CCDC18: variants seen among roughly 807,000 people sequenced by gnomAD.
The protein encoded by CCDC18 is coiled-coil domain containing 18.
Under a neutral mutation model 196.0 loss-of-function variants are expected in CCDC18, and 157 were observed. That is an observed-to-expected ratio of 0.80 (90% CI 0.70 to 0.91). The LOEUF (loss-of-function observed/expected upper bound fraction) is 0.91, where lower values mean the gene tolerates loss of function less well. Among genes scored for constraint, CCDC18 ranks in the 40% least tolerant of loss-of-function variants. CCDC18 has a pLI of 0.00. For missense variants in CCDC18, 1,465 were observed against 1,611.6 expected (o/e 0.91, Z 1.56); for synonymous variants, 482 against 529.2 (o/e 0.91, Z 1.22).
Position 93,221,951 on chromosome 1 carries a change from A to G in CCDC18, c.2175+15A>G, listed in dbSNP as rs1657495032. 6.7e-7 allele frequency: 1 copy of G among 1,497,558 alleles called. No individual in the cohort carries two copies. The highest frequency in any genetic ancestry group is 9.1e-7 in the Non-Finnish European group (1 of 1,103,892). The allele number at this position is 1,497,558 out of a possible 1,614,324, so 92.8% of individuals were successfully genotyped here. Reference sequence around the variant, plus strand: ...AAACAATCAAGGCTAGTATGCTAATACTTTATTTTTCTTTCTTTCCTTTTT... The same window carrying G: ...AAACAATCAAGGCTAGTATGCTAATGCTTTATTTTTCTTTCTTTCCTTTTT... On this transcript the variant is annotated intron_variant, in intron 16 of 28. Coordinates refer to ENST00000690025, the MANE Select transcript of CCDC18 (RefSeq NM_001378204.1).
chr1:93,186,590 T>A, intron 4 of CCDC18, 87 bp downstream of exon 4: 1 of 1,044,804 alleles, frequency 9.6e-7, no homozygotes, highest in South Asian at 1.6e-5. Flanking sequence ...TATTGCCACA[T>A]TGCCTTAATG....
chr1:93,193,613 T>G lies in CCDC18; in HGVS notation c.570-3T>G. 2 of 1,570,824 alleles carry G rather than the reference T, an allele frequency of 1.3e-6. No homozygotes were observed. The highest frequency in any genetic ancestry group is 1.7e-6 in the Non-Finnish European group (2 of 1,161,044). On this transcript the variant is annotated splice_region_variant and splice_polypyrimidine_tract_variant and intron_variant, in intron 5 of 28. Transcript: ENST00000690025. ...CTTAAACAAAGTATCCTTTATTTTATAGAGAGGCAGAAAATAAGCTGGAAC... is the reference window on the plus strand; with the variant it reads ...CTTAAACAAAGTATCCTTTATTTTAGAGAGAGGCAGAAAATAAGCTGGAAC...
rs1191976714 is a variant in CCDC18 at position 93,209,217 on chromosome 1, C to T, written c.1210-1585C>T. ...AGGTGATCTGCCTGCCTTAGCCTCC[C>T]GAAATGCTGGGATTACAGGCATGAG... is the stretch of plus-strand genomic sequence containing the variant. On this transcript the variant is annotated intron_variant, in intron 9 of 28. Transcript: ENST00000690025. Among the ~76,000 whole-genome samples, 9 of 152,276 alleles carry T rather than the reference C, an allele frequency of 5.9e-5. 1 individual carries two copies. The highest frequency in any genetic ancestry group is 5.2e-4 in the Admixed American group (8 of 15,298).
intron 4 of CCDC18, among the ~76,000 whole-genome samples, chr1:93,188,436 T>C (rs1427941820): frequency 6.6e-6 from 1 of 152,216 alleles, no homozygotes; most frequent in Non-Finnish European, 1.5e-5. Context: ...TTTCCTAGTT[T>C]ATTCTTTCTG....
chr1:93,243,657 A>G (rs182536550), intron 21 of CCDC18, among the ~76,000 whole-genome samples: 1 of 152,220 alleles, frequency 6.6e-6, no homozygotes, highest in East Asian at 1.9e-4. Flanking sequence ...TTGCTTAGAA[A>G]TTTCTTCCAC....
chr1:93,257,088 C>T (rs1385172665), intron 25 of CCDC18, among the ~76,000 whole-genome samples: 1 of 151,648 alleles, frequency 6.6e-6, no homozygotes, highest in African/African-American at 2.4e-5. Flanking sequence ...CAAAATTAGC[C>T]AGGCATGATG....
At chr1:93,274,820 A>G (rs527726702) in intron 28 of CCDC18, among the ~76,000 whole-genome samples, 2 of 152,350 alleles carry the variant, frequency 1.3e-5, no homozygotes, top group Non-Finnish European at 1.5e-5. Flanking sequence ...GCAAGAACCC[A>G]TCTCTAAACA....
chr1:93,213,190 T>G (rs1040332710), intron 11 of CCDC18, among the ~76,000 whole-genome samples: 1 of 151,992 alleles, frequency 6.6e-6, no homozygotes, highest in African/African-American at 2.4e-5. Context: ...TGTGGCCCAG[T>G]TCCTAATGGG....
At chr1:93,209,692 G>C (rs1655293185) in intron 9 of CCDC18, among the ~76,000 whole-genome samples, 1 of 152,152 alleles carries the variant, frequency 6.6e-6, no homozygotes, top group Non-Finnish European at 1.5e-5. Flanking sequence ...TTAATGTACT[G>C]TTTGCTTTTG....
At chr1:93,250,263 C>A (rs1662050949) in intron 23 of CCDC18, among the ~76,000 whole-genome samples, 1 of 151,406 alleles carries the variant, frequency 6.6e-6, no homozygotes, top group African/African-American at 2.4e-5. Flanking sequence ...CACTTGTACT[C>A]CCAGCTACTT....
chr1:93,184,248 A>T (rs965731399), intron 3 of CCDC18, 102 bp downstream of exon 3: 61 of 442,394 alleles, frequency 1.4e-4, no homozygotes, highest in Admixed American at 4.1e-4. Flanking sequence ...AAAGAAAAAA[A>T]TTTTTTCTTT....
chr1:93,251,062 A>G (rs944158093), intron 23 of CCDC18, among the ~76,000 whole-genome samples: 2 of 152,076 alleles, frequency 1.3e-5, no homozygotes, highest in Admixed American at 1.3e-4. Flanking sequence ...TTGTGGTTAA[A>G]TGATTTTTTC....
At chr1:93,198,885 G>T (rs1159059155) in intron 6 of CCDC18, among the ~76,000 whole-genome samples, 1 of 152,104 alleles carries the variant, frequency 6.6e-6, no homozygotes, top group Non-Finnish European at 1.5e-5. Context: ...GGGTTCAAGT[G>T]GTCCTCTTGC....
rs563286684 is a variant in CCDC18, at chr1:93,246,035, G to A, written c.2982-70G>A. On this transcript the variant is annotated intron_variant, in intron 21 of 28. Coordinates refer to ENST00000690025, the MANE Select transcript of CCDC18 (RefSeq NM_001378204.1). The stretch of plus-strand genomic sequence containing the variant: ...TTTAATTTATAGAAGAGGTAACCTG[G>A]TTGACCTAACTTTTTAAAATTATAC... 1.8e-4 allele frequency: 178 copies of A among 1,000,182 alleles called. 2 individuals are homozygous for A. The South Asian group carries it at 3.7e-3, about 21-fold the overall frequency. The allele number at this position is 1,000,182 out of a possible 1,614,324, so 62.0% of individuals were successfully genotyped here. A position where few individuals can be genotyped will look rare whatever the true frequency, so the allele number is the denominator to read the frequency against.
At chr1:93,218,641 C>G (rs1656895998) in intron 14 of CCDC18, among the ~76,000 whole-genome samples, 2 of 152,044 alleles carry the variant, frequency 1.3e-5, no homozygotes, top group Non-Finnish European at 2.9e-5. Flanking sequence ...TCCTGAGTAG[C>G]TGGGATTACA....
rs1297456837 is a variant in CCDC18 at position 93,216,723 on chromosome 1, G to A, written c.1807G>A (p.Ala603Thr). The A allele has an allele frequency of 2.0e-5, 31 of 1,575,122 alleles. No homozygotes were observed. The highest frequency in any genetic ancestry group is 2.7e-5 in the Non-Finnish European group (31 of 1,157,790). Residue 603 changes from alanine (A) to threonine (T), a missense_variant, in exon 13 of 29, where the codon GCA becomes ACA. Coordinates refer to ENST00000690025, the MANE Select transcript of CCDC18 (RefSeq NM_001378204.1). Reference protein sequence around the residue: ...VAYSSIAAKNAELEQELMEKN... With the variant: ...VAYSSIAAKNTELEQELMEKN... ...TTATTCCTCTATTGCTGCAAAAAAT[G>A]CAGAACTAGAACAGGAGCTTATGGT...
intron 4 of CCDC18, among the ~76,000 whole-genome samples, chr1:93,187,458 T>C (rs1222269028): frequency 6.6e-6 from 1 of 152,070 alleles, no homozygotes; most frequent in Non-Finnish European, 1.5e-5. Context: ...TGTTTGTATG[T>C]AAATATATAT....
intron 2 of CCDC18, 96 bp from the exon 3 acceptor site, chr1:93,183,882 A>G (rs1169147500): frequency 2.8e-6 from 2 of 703,004 alleles, no homozygotes; most frequent in Non-Finnish European, 4.3e-6. Context: ...TCTGCTTAGC[A>G]GCATTTCAGG....
In CCDC18 at chr1:93,239,809, T is replaced by C; in HGVS notation, c.2894T>C (p.Leu965Pro). ...GAATTAAAAAGTACTTTAAGACAACTCCAGGAATTGAGAGATGTACTACAG... is the reference window on the plus strand; with the variant it reads ...GAATTAAAAAGTACTTTAAGACAACCCCAGGAATTGAGAGATGTACTACAG... ...HGELKSTLRQ[L>P]QELRDVLQKA... Residue 965 changes from leucine to proline, a missense_variant, in exon 21 of 29, where the codon CTC becomes CCC. By Grantham distance (98) the Leu-to-Pro change is moderately conservative. Transcript: ENST00000690025. 6.2e-7 allele frequency: 1 copy of C among 1,613,390 alleles called. No individual in the cohort carries two copies. The highest frequency in any genetic ancestry group is 8.5e-7 in the Non-Finnish European group (1 of 1,179,524).
Sources: gnomAD v4.1 joint callset for allele counts (sites outside exome capture counted in the v4.1 genomes callset) on GRCh38, gnomAD v4.1.1 for gene constraint, MANE v1.5 for transcripts, NCBI Gene and HGNC (gene_info 2026-07-23, HGNC 2026-07-21) for gene names.